The following KANK1 variants were observed in gnomAD, a reference collection of about 807,000 sequenced individuals.
KANK1 encodes the protein KN motif and ankyrin repeat domain-containing protein 1.
KANK1 carries 109 observed loss-of-function variants against 106.2 expected under a neutral mutation model. The observed-to-expected ratio is 1.03, with a 90% CI of 0.88 to 1.20. The LOEUF is 1.20. KANK1 is among the 50% of genes most tolerant of loss of function. KANK1 has a pLI of 0.00. For missense variants in KANK1, 2,399 were observed against 1,710.7 expected (o/e 1.40, Z -7.10); for synonymous variants, 873 against 652.2 (o/e 1.34, Z -5.16).
chr9:603,558 C>G (rs983319983), intron 1 of KANK1, among the ~76,000 whole-genome samples: 9 of 151,778 alleles, frequency 5.9e-5, no homozygotes, highest in African/African-American at 1.9e-4. Context: ...AGTTCCTTAA[C>G]TCTAAAATCA....
chr9:693,024 T>G (rs1323260), intron 2 of KANK1, among the ~76,000 whole-genome samples: 109,101 of 151,390 alleles, frequency 0.72, 40,167 homozygotes, highest in Middle Eastern at 0.83. Flanking sequence ...TTTTTTTTTT[T>G]AGGTAATGAA....
At chr9:501,569 T>A (rs189704255), upstream of KANK1, among the ~76,000 whole-genome samples, 20 of 152,136 alleles carry the variant, frequency 1.3e-4, no homozygotes, top group African/African-American at 4.3e-4. Flanking sequence ...AGCTAAAATA[T>A]GGTTCATTGT....
intron 1 of KANK1, chr9:673,506 G>T (rs1295841163): frequency 6.6e-6 from 1 of 152,172 alleles, no homozygotes; most frequent in African/African-American, 2.4e-5. Context: ...CACCGTGCCC[G>T]GCCAACAGTG....
rs926279462 is a variant in KANK1 at position 686,649 on chromosome 9, T to C, written c.37+9640T>C. 6 of 596,800 alleles carry C rather than the reference T, an allele frequency of 1.0e-5. No individual in the cohort carries two copies. The African/African-American group carries it at 1.2e-4, about 12-fold the overall frequency. 37.0% of individuals were successfully genotyped at this position (596,800 alleles called of 1,614,324 possible). ...AGATTTTTCCATTAGCACCACACTT[T>C]ATACAGCTTCCAAGTCTGCCCCAGG... On this transcript the variant is annotated intron_variant, in intron 2 of 11. Transcript: ENST00000382297.
At chr9:646,784 G>C (rs372293805) in intron 1 of KANK1, among the ~76,000 whole-genome samples, 1 of 150,322 alleles carries the variant, frequency 6.7e-6, no homozygotes, top group African/African-American at 2.5e-5. Context: ...CCGCCTCCCG[G>C]GTTAAAGCAA....
At position 646,334 on chromosome 9, in the gene KANK1, T is replaced by TA. The variant is rs201022150; in HGVS notation, c.-83-30546dup. Reference sequence around the variant, plus strand: ...CAACATAGCAAGACCTATATCTACCTAAAAAAAAAATTTAAGAAAATTTAA... The same window carrying TA: ...CAACATAGCAAGACCTATATCTACCTAAAAAAAAAAATTTAAGAAAATTTAA... On this transcript the variant is annotated intron_variant, in intron 1 of 11. Coordinates refer to ENST00000382297, the MANE Select transcript of KANK1 (RefSeq NM_015158.5). Among the ~76,000 whole-genome samples, 141 of 148,376 alleles carry TA rather than the reference T, an allele frequency of 9.5e-4. 1 individual carries two copies. Among genetic ancestry groups the TA allele is most frequent in the Middle Eastern group, 3.5e-3 (1 of 288 alleles).
chr9:620,842 A>G (rs185492913), intron 1 of KANK1, among the ~76,000 whole-genome samples: 22 of 152,336 alleles, frequency 1.4e-4, no homozygotes, highest in African/African-American at 5.1e-4. Flanking sequence ...TGGGAATAAG[A>G]AATAACATCT....
intron 2 of KANK1, chr9:706,844 G>A: frequency 1.0e-6 from 1 of 985,486 alleles, no homozygotes; most frequent in Non-Finnish European, 1.2e-6. Flanking sequence ...ACCGAGGGCT[G>A]GGCAGGAGGA....
intron 1 of KANK1, among the ~76,000 whole-genome samples, chr9:542,188 G>T (rs1288476605): frequency 6.6e-6 from 1 of 151,764 alleles, no homozygotes; most frequent in Non-Finnish European, 1.5e-5. Flanking sequence ...TCACTAATCA[G>T]GGAAATGCAA....
chr9:570,482 G>C (rs1176618687), intron 1 of KANK1, among the ~76,000 whole-genome samples: 1 of 152,158 alleles, frequency 6.6e-6, no homozygotes, highest in Non-Finnish European at 1.5e-5. Context: ...CTGTGACCTA[G>C]ACCCTGTCTC....
At chr9:719,214 A>G (rs7027741) in intron 3 of KANK1, among the ~76,000 whole-genome samples, 149,408 of 152,184 alleles carry the variant, frequency 0.98, 73,355 homozygotes, top group East Asian at 1. Context: ...TGATCCACCC[A>G]CCTCGGCCTC....
At chr9:604,559 C>T (rs1213064237) in intron 1 of KANK1, among the ~76,000 whole-genome samples, 1 of 151,740 alleles carries the variant, frequency 6.6e-6, no homozygotes, top group Non-Finnish European at 1.5e-5. Flanking sequence ...TGGCCGGGTG[C>T]AGTGGCTCAC....
At chr9:708,889 A>G (rs1008138211) in intron 2 of KANK1, among the ~76,000 whole-genome samples, 6 of 152,212 alleles carry the variant, frequency 3.9e-5, no homozygotes, top group Non-Finnish European at 8.8e-5. Flanking sequence ...TGATCCTACA[A>G]TTTAAAAAAA....
chr9:514,368 A>G (rs1265807089), intron 1 of KANK1, among the ~76,000 whole-genome samples: 1 of 146,942 alleles, frequency 6.8e-6, no homozygotes, highest in Admixed American at 6.7e-5. Context: ...TATCCCTGTT[A>G]TGAGATGGTT....
intron 2 of KANK1, 66 bp downstream of exon 2, chr9:677,075 C>G (rs1351837989): frequency 7.0e-7 from 1 of 1,422,094 alleles, no homozygotes; most frequent in Non-Finnish European, 9.9e-7. Context: ...TTTTTATTCT[C>G]TTTAATAATG....
intron 1 of KANK1, among the ~76,000 whole-genome samples, chr9:554,014 C>T (rs905179644): frequency 1.3e-5 from 2 of 152,152 alleles, no homozygotes; most frequent in Non-Finnish European, 2.9e-5. Flanking sequence ...CTGGGACTGG[C>T]GTACAAATGT....
intron 1 of KANK1, among the ~76,000 whole-genome samples, chr9:668,920 G>A (rs189564470): frequency 1.9e-4 from 29 of 152,236 alleles, no homozygotes; most frequent in Admixed American, 1.7e-3. Context: ...GCACTCTTAT[G>A]AGAATCTATG....
At chr9:600,308 T>A (rs1366137035) in intron 1 of KANK1, among the ~76,000 whole-genome samples, 3 of 151,824 alleles carry the variant, frequency 2.0e-5, no homozygotes, top group Non-Finnish European at 4.4e-5. Flanking sequence ...TGTGGCTGGC[T>A]TATTTTACCC....
intron 1 of KANK1, among the ~76,000 whole-genome samples, chr9:579,400 C>T (rs994092406): frequency 6.6e-6 from 1 of 152,130 alleles, no homozygotes; most frequent in African/African-American, 2.4e-5. Flanking sequence ...ACCTAAGAAT[C>T]AAAAATAGAA....
Sources: allele counts gnomAD v4.1 joint callset (sites outside exome capture counted in the v4.1 genomes callset), GRCh38; gene constraint gnomAD v4.1.1; transcripts MANE v1.5; gene names NCBI Gene and HGNC (gene_info 2026-07-23, HGNC 2026-07-21).